PBX3: variants seen among roughly 807,000 people sequenced by gnomAD.
The protein encoded by PBX3 is PBX homeobox 3.
Under a neutral mutation model 48.5 loss-of-function variants are expected in PBX3, and 14 were observed. That is an observed-to-expected ratio of 0.29 (90% CI 0.19 to 0.45). The LOEUF (loss-of-function observed/expected upper bound fraction) is 0.45, where lower values mean the gene tolerates loss of function less well. Among genes scored for constraint, PBX3 ranks in the 20% least tolerant of loss-of-function variants. PBX3 has a pLI of 1.00. For synonymous variants in PBX3, 210 were observed against 200.3 expected (o/e 1.05, Z -0.41); for missense variants, 386 against 546.7 (o/e 0.71, Z 2.93).
intron 2 of PBX3, among the ~76,000 whole-genome samples, chr9:125,767,811 A>C (rs1347075061): frequency 1.3e-5 from 2 of 152,130 alleles, no homozygotes; most frequent in African/African-American, 4.8e-5. Context: ...TGGTTCTACA[A>C]ACACTCAGAC....
rs1349050022 is a variant in PBX3 at position 125,808,582 on chromosome 9, C to T, written c.274+59959C>T. On this transcript the variant is annotated intron_variant, in intron 2 of 8. Transcript: ENST00000373489. ...GCAATAGGCTGAGATGGGAGAATCA[C>T]TTGAGCCTGGGAGGTCAGGGCTTCA... Among the ~76,000 whole-genome samples, 3 of 152,146 alleles carry T rather than the reference C, an allele frequency of 2.0e-5. No individual in the cohort carries two copies. The East Asian group carries it at 5.8e-4, about 29-fold the overall frequency.
chr9:125,906,680 A>T (rs1345409402), intron 2 of PBX3, among the ~76,000 whole-genome samples: 1 of 152,008 alleles, frequency 6.6e-6, no homozygotes, highest in Non-Finnish European at 1.5e-5. Flanking sequence ...ATTTGAGAAA[A>T]ATTATGAATA....
At chr9:125,845,275 C>T (rs750390915) in intron 2 of PBX3, among the ~76,000 whole-genome samples, 1 of 152,054 alleles carries the variant, frequency 6.6e-6, no homozygotes, top group Non-Finnish European at 1.5e-5. Context: ...ATATATTTTT[C>T]TCACCTGTGC....
At chr9:125,958,826 T>C (rs1564191632) in intron 5 of PBX3, among the ~76,000 whole-genome samples, 1 of 152,196 alleles carries the variant, frequency 6.6e-6, no homozygotes, top group South Asian at 2.1e-4. Context: ...ATAAGGTTGC[T>C]CTAGGTGCAA....
At chr9:125,911,255 G>T (rs769816756) in intron 2 of PBX3, among the ~76,000 whole-genome samples, 33 of 152,184 alleles carry the variant, frequency 2.2e-4, no homozygotes, top group Middle Eastern at 6.8e-3. Flanking sequence ...TCTTACTTAA[G>T]GATTTCAGAT....
In PBX3 at chr9:125,966,485, C is replaced by G. The variant is rs899391790; in HGVS notation, c.*562C>G. The G allele has an allele frequency of 6.6e-6, 1 of 152,658 alleles. No individual in the cohort carries two copies. Among genetic ancestry groups the G allele is most frequent in the Non-Finnish European group, 1.5e-5 (1 of 68,060 alleles). The allele number at this position is 152,658 out of a possible 1,614,324, so 9.5% of individuals were successfully genotyped here. A position where few individuals can be genotyped will look rare whatever the true frequency, so the allele number is the denominator to read the frequency against. ...TCTTATGTTATAATTAGATCAGAGACTGGTAGCATCGTTTCTCTCTCTGAA... is the reference window on the plus strand; with the variant it reads ...TCTTATGTTATAATTAGATCAGAGAGTGGTAGCATCGTTTCTCTCTCTGAA... On this transcript the variant is annotated 3_prime_UTR_variant, in exon 9 of 9. Transcript: ENST00000373489.
At chr9:125,905,683 A>G (rs1057443945) in intron 2 of PBX3, among the ~76,000 whole-genome samples, 6 of 152,044 alleles carry the variant, frequency 3.9e-5, no homozygotes, top group East Asian at 3.9e-4. Flanking sequence ...AAATTTATCA[A>G]TTATCAATTG....
chr9:125,762,237 G>T (rs72752611), intron 2 of PBX3, among the ~76,000 whole-genome samples: 2,117 of 152,170 alleles, frequency 0.014, 18 homozygotes, highest in South Asian at 0.027. Flanking sequence ...AATCATGACT[G>T]TATTCCCTTT....
intron 2 of PBX3, among the ~76,000 whole-genome samples, chr9:125,880,948 T>A (rs1042725283): frequency 1.3e-5 from 2 of 152,238 alleles, no homozygotes; most frequent in African/African-American, 4.8e-5. Flanking sequence ...TTTCTTGAAC[T>A]GCATTTAGGT....
intron 2 of PBX3, among the ~76,000 whole-genome samples, chr9:125,813,693 A>T (rs1042176877): frequency 6.6e-6 from 1 of 152,120 alleles, no homozygotes; most frequent in Non-Finnish European, 1.5e-5. Flanking sequence ...TTCCCAGCTT[A>T]TCTTGTCTTT....
chr9:125,876,768 C>A (rs1019992604), intron 2 of PBX3, among the ~76,000 whole-genome samples: 7 of 148,054 alleles, frequency 4.7e-5, no homozygotes, highest in Non-Finnish European at 7.5e-5. Flanking sequence ...GTGTTGTTAT[C>A]TTACTTTTTA....
intron 5 of PBX3, among the ~76,000 whole-genome samples, chr9:125,958,277 C>T (rs1475469386): frequency 6.6e-6 from 1 of 152,240 alleles, no homozygotes; most frequent in Non-Finnish European, 1.5e-5. Context: ...GCCCTCTCCA[C>T]TCCTACTGCT....
rs1458978051 is a variant in PBX3 at position 125,782,548 on chromosome 9, C to T, written c.274+33925C>T. On this transcript the variant is annotated intron_variant, in intron 2 of 8. Transcript: ENST00000373489. Reference sequence around the variant, plus strand: ...TTAAAATAGCCATAATTGTTTTATGCATTTGCCTTTTATTTATATAGGAAA... The same window carrying T: ...TTAAAATAGCCATAATTGTTTTATGTATTTGCCTTTTATTTATATAGGAAA... Among the ~76,000 whole-genome samples, 7 of 152,262 alleles carry T rather than the reference C, an allele frequency of 4.6e-5. No individual in the cohort carries two copies. The East Asian group carries it at 1.3e-3, about 29-fold the overall frequency.
chr9:125,773,609 T>A (rs1183133626), intron 2 of PBX3, among the ~76,000 whole-genome samples: 4 of 152,182 alleles, frequency 2.6e-5, no homozygotes, highest in Non-Finnish European at 5.9e-5. Flanking sequence ...ATGAATTGAA[T>A]GTAGTATGTG....
chr9:125,831,814 T>A (rs1309370865), intron 2 of PBX3, among the ~76,000 whole-genome samples: 2 of 152,158 alleles, frequency 1.3e-5, no homozygotes, highest in African/African-American at 4.8e-5. Context: ...CTGATAAGAC[T>A]CCATTTTTAG....
intron 2 of PBX3, among the ~76,000 whole-genome samples, chr9:125,796,312 C>G (rs559376662): frequency 5.3e-5 from 8 of 152,258 alleles, no homozygotes; most frequent in Non-Finnish European, 1.0e-4. Context: ...AGAAATGGAT[C>G]TTATACTTAT....
chr9:125,888,752 T>C (rs1840563589), intron 2 of PBX3, among the ~76,000 whole-genome samples: 1 of 152,190 alleles, frequency 6.6e-6, no homozygotes, highest in Non-Finnish European at 1.5e-5. Context: ...ATATTTGAGA[T>C]ATAAATTCTT....
At chr9:125,895,333 T>C (rs1017104574) in intron 2 of PBX3, among the ~76,000 whole-genome samples, 4 of 152,112 alleles carry the variant, frequency 2.6e-5, no homozygotes, top group Admixed American at 2.0e-4. Context: ...ACATACTGTT[T>C]ATGTATACAG....
At chr9:125,928,921 G>T (rs1474670863) in intron 3 of PBX3, among the ~76,000 whole-genome samples, 1 of 151,800 alleles carries the variant, frequency 6.6e-6, no homozygotes, top group East Asian at 1.9e-4. Context: ...TGCTTGGCAC[G>T]CAAGGCCCTT....
Sources: allele counts gnomAD v4.1 joint callset (sites outside exome capture counted in the v4.1 genomes callset), GRCh38; gene constraint gnomAD v4.1.1; transcripts MANE v1.5; gene names NCBI Gene and HGNC (gene_info 2026-07-23, HGNC 2026-07-21).